Variants in MYH16 observed in about 807,000 individuals in gnomAD.
MYH16 encodes the protein myosin heavy chain 16.
intron 1 of MYH16, chr7:99,243,276 A>AG (rs1209729921): frequency 6.5e-6 from 1 of 152,816 alleles, no homozygotes; most frequent in African/African-American, 2.4e-5. Context: ...TGACCCCCCC[A>AG]GACACTCACT....
intron 20 of MYH16, among the ~76,000 whole-genome samples, chr7:99,273,903 G>T (rs1401661027): frequency 6.6e-6 from 1 of 151,558 alleles, no homozygotes; most frequent in African/African-American, 2.4e-5. Context: ...AGGGAGAGAG[G>T]AAAGGAAGGG....
At chr7:99,278,200 C>T (rs924971413) in intron 21 of MYH16, among the ~76,000 whole-genome samples, 2 of 152,128 alleles carry the variant, frequency 1.3e-5, no homozygotes, top group African/African-American at 4.8e-5. Flanking sequence ...ATTTCGGCCT[C>T]CCAAAGTGCT....
intron 20 of MYH16, 123 bp downstream of exon 2, chr7:99,273,546 C>A (rs1367705335): frequency 2.5e-6 from 1 of 395,454 alleles, no homozygotes; most frequent in South Asian, 1.8e-5. Flanking sequence ...AAAATGAGGG[C>A]ACCTTAGAGA....
chr7:99,281,249 G>A (rs114694906), intron 23 of MYH16, among the ~76,000 whole-genome samples: 2,461 of 152,180 alleles, frequency 0.016, 68 homozygotes, highest in African/African-American at 0.055. Context: ...GAGAGCAAGC[G>A]GGGGAGCTAT....
intron 15 of MYH16, chr7:99,264,355 G>A (rs1235441884): frequency 2.0e-5 from 3 of 152,656 alleles, no homozygotes; most frequent in Non-Finnish European, 2.9e-5. Context: ...TGGGTAGTCT[G>A]GCTGCTGCTT....
intron 20 of MYH16, among the ~76,000 whole-genome samples, chr7:99,275,262 G>A (rs1454713795): frequency 2.0e-5 from 3 of 151,946 alleles, no homozygotes; most frequent in Non-Finnish European, 2.9e-5. Context: ...CCTCCCAAAT[G>A]GCTGAGATTA....
chr7:99,287,439 C>A (rs1792294570), intron 28 of MYH16, among the ~76,000 whole-genome samples: 1 of 147,412 alleles, frequency 6.8e-6, no homozygotes, highest in African/African-American at 2.5e-5. Flanking sequence ...GAGGCTGAGG[C>A]AGGAGAATCA....
chr7:99,277,183 G>C (rs1213060195), intron 20 of MYH16, among the ~76,000 whole-genome samples: 1 of 152,058 alleles, frequency 6.6e-6, no homozygotes, highest in Non-Finnish European at 1.5e-5. Context: ...GGACCCCAAG[G>C]CTGTGCATTT....
At chr7:99,252,992 G>A (rs1291951606) in intron 7 of MYH16, 1 of 152,254 alleles carries the variant, frequency 6.6e-6, no homozygotes, top group Non-Finnish European at 1.5e-5. Context: ...CAGGCCAGGC[G>A]AGGTGGCTTA....
At chr7:99,298,556 T>C (rs142004910) in intron 36 of MYH16, among the ~76,000 whole-genome samples, 2 of 152,320 alleles carry the variant, frequency 1.3e-5, no homozygotes, top group East Asian at 3.9e-4. Flanking sequence ...GATGTAGTAT[T>C]TTAGCCATGA....
intron 9 of MYH16, among the ~76,000 whole-genome samples, chr7:99,256,343 T>C (rs577269733): frequency 3.0e-4 from 45 of 151,528 alleles, no homozygotes; most frequent in African/African-American, 1.0e-3. Flanking sequence ...CAAGCACCTG[T>C]TATGATAACC....
At chr7:99,300,658 G>A (rs896156814) in intron 37 of MYH16, among the ~76,000 whole-genome samples, 15 of 152,062 alleles carry the variant, frequency 9.9e-5, no homozygotes, top group African/African-American at 3.4e-4. Context: ...AATAAAATTA[G>A]CCAGGCATGG....
intron 2 of MYH16, chr7:99,247,535 T>G (rs1791747381): frequency 6.5e-6 from 1 of 154,126 alleles, no homozygotes; most frequent in Non-Finnish European, 1.5e-5. Context: ...GGAACTCCGC[T>G]GGGGGAAGAG....
intron 36 of MYH16, 28 bp downstream of exon 17, chr7:99,298,023 A>C: frequency 2.2e-6 from 1 of 456,314 alleles, no homozygotes; most frequent in Non-Finnish European, 4.4e-6. Flanking sequence ...TGGGAGGCTG[A>C]CTCTTGGGAA....
intron 39 of MYH16, among the ~76,000 whole-genome samples, 152 bp from the exon 21 acceptor site, chr7:99,304,434 C>T (rs1012234365): frequency 6.6e-6 from 1 of 152,190 alleles, no homozygotes; most frequent in African/African-American, 2.4e-5. Flanking sequence ...AGCACCCCTT[C>T]CACCAAACCC....
In MYH16 at chr7:99,240,715, C is replaced by T. The variant is rs114750019; in HGVS notation, n.210+1677C>T. Among the ~76,000 whole-genome samples, 475 of 152,156 alleles carry T rather than the reference C, an allele frequency of 3.1e-3. 3 individuals are homozygous for T. Among genetic ancestry groups the T allele is most frequent in the African/African-American group, 0.011 (453 of 41,504 alleles). On this transcript the variant is annotated intron_variant and non_coding_transcript_variant, in intron 1 of 41. Transcript: ENST00000439784. ...AAAATTAGCCAGGTGTGGTGCATCC[C>T]TGTACTCCCAGTTACTTAGGAGGCT...
intron 25 of MYH16, among the ~76,000 whole-genome samples, chr7:99,284,383 G>A (rs1436273635): frequency 6.6e-6 from 1 of 152,136 alleles, no homozygotes; most frequent in African/African-American, 2.4e-5. Context: ...TTGAGGCCAG[G>A]AGCTCAAGAC....
intron 20 of MYH16, among the ~76,000 whole-genome samples, chr7:99,276,040 G>A (rs1244689594): frequency 6.6e-6 from 1 of 152,080 alleles, no homozygotes; most frequent in Non-Finnish European, 1.5e-5. Flanking sequence ...TTTAGTTTTT[G>A]TTGTTGTTGT....
chr7:99,277,061 G>C (rs967944497), intron 20 of MYH16, among the ~76,000 whole-genome samples: 1 of 136,492 alleles, frequency 7.3e-6, no homozygotes, highest in South Asian at 2.5e-4. Flanking sequence ...GAGAGACACA[G>C]AGAGAGAGAG....
Sources: gnomAD v4.1 joint callset for allele counts (sites outside exome capture counted in the v4.1 genomes callset) on GRCh38, gnomAD v4.1.1 for gene constraint, MANE v1.5 for transcripts, NCBI Gene and HGNC (gene_info 2026-07-23, HGNC 2026-07-21) for gene names.